The following KCNB2 variants were observed in gnomAD, a reference collection of about 807,000 sequenced individuals.
KCNB2 encodes potassium voltage-gated channel subfamily B member 2, also known as delayed rectifier potassium channel protein.
In KCNB2, 15 loss-of-function variants were observed where a neutral mutation model predicts 61.5. That is an observed-to-expected ratio of 0.24 (90% CI 0.16 to 0.38). KCNB2 has a LOEUF of 0.38. KCNB2 is among the 10% of genes least tolerant of loss of function. The pLI, the probability that KCNB2 is intolerant of heterozygous loss-of-function variation, is 1.00. For synonymous variants in KCNB2, 457 were observed against 446.0 expected (o/e 1.02, Z -0.31); for missense variants, 828 against 1,125.2 (o/e 0.74, Z 3.78).
intron 2 of KCNB2, among the ~76,000 whole-genome samples, chr8:72,807,227 T>G (rs2129000203): frequency 6.6e-6 from 1 of 152,342 alleles, no homozygotes; most frequent in Middle Eastern, 3.4e-3. Context: ...CGCAGCCATG[T>G]AGGTTATGTC....
intron 2 of KCNB2, among the ~76,000 whole-genome samples, chr8:72,603,964 C>T (rs781012542): frequency 6.6e-6 from 1 of 152,022 alleles, no homozygotes; most frequent in Non-Finnish European, 1.5e-5. Context: ...GTTGATTTTC[C>T]CCCCGAGCTT....
At chr8:72,778,733 C>CAAAAAAAAA (rs753797385) in intron 2 of KCNB2, among the ~76,000 whole-genome samples, 251 of 14,174 alleles carry the variant, frequency 0.018, 28 homozygotes, top group South Asian at 0.023. Flanking sequence ...ACAGAGCGAG[C>CAAAAAAAAA]AAAAAAAAAA....
intron 2 of KCNB2, among the ~76,000 whole-genome samples, chr8:72,667,491 T>G (rs1806496201): frequency 6.6e-6 from 1 of 152,200 alleles, no homozygotes; most frequent in South Asian, 2.1e-4. Flanking sequence ...TCCTGTAGTC[T>G]TCTTCGTTTT....
chr8:72,635,353 A>G (rs764461281), intron 2 of KCNB2, among the ~76,000 whole-genome samples: 1 of 152,200 alleles, frequency 6.6e-6, no homozygotes, highest in Non-Finnish European at 1.5e-5. Flanking sequence ...TTCAATTTAT[A>G]GGAGATTCTG....
At chr8:72,813,724 A>T (rs560036996) in intron 2 of KCNB2, among the ~76,000 whole-genome samples, 1 of 152,344 alleles carries the variant, frequency 6.6e-6, no homozygotes, top group South Asian at 2.1e-4. Flanking sequence ...AATTCTCACA[A>T]ATTAAGCATT....
At chr8:72,680,735 A>AT (rs1454342554) in intron 2 of KCNB2, among the ~76,000 whole-genome samples, 1 of 152,154 alleles carries the variant, frequency 6.6e-6, no homozygotes, top group Non-Finnish European at 1.5e-5. Flanking sequence ...GCAGAGTGCC[A>AT]TGCCAGGCCC....
chr8:72,578,821 G>C (rs2128980141), intron 2 of KCNB2, among the ~76,000 whole-genome samples: 1 of 152,246 alleles, frequency 6.6e-6, no homozygotes, highest in South Asian at 2.1e-4. Context: ...GAGTTGTTTG[G>C]CAAATGCCAA....
intron 2 of KCNB2, among the ~76,000 whole-genome samples, chr8:72,807,977 T>C (rs572105640): frequency 3.8e-4 from 58 of 152,306 alleles, no homozygotes; most frequent in African/African-American, 1.3e-3. Context: ...AGGTGAGGTA[T>C]GAAAAGAGCT....
chr8:72,738,951 TA>T (rs1360639844), intron 2 of KCNB2, among the ~76,000 whole-genome samples: 1 of 152,158 alleles, frequency 6.6e-6, no homozygotes, highest in African/African-American at 2.4e-5. Flanking sequence ...AATAGGTTTT[TA>T]AAAAAATTAT....
At chr8:72,661,032 A>AT (rs573830639) in intron 2 of KCNB2, 22 of 151,224 alleles carry the variant, frequency 1.5e-4, no homozygotes, top group East Asian at 5.8e-4. Flanking sequence ...TTTCAAATAC[A>AT]TTTTTTTTTC....
intron 2 of KCNB2, among the ~76,000 whole-genome samples, chr8:72,715,172 TG>T (rs1807408237): frequency 6.6e-6 from 1 of 152,138 alleles, no homozygotes; most frequent in Non-Finnish European, 1.5e-5. Context: ...AAGTCCTTAG[TG>T]ACCTACAAAG....
intron 2 of KCNB2, among the ~76,000 whole-genome samples, chr8:72,634,188 A>G (rs913013792): frequency 1.2e-4 from 19 of 152,192 alleles, no homozygotes; most frequent in African/African-American, 4.3e-4. Context: ...ATATAGTTGC[A>G]TTTTGTAAAT....
intron 2 of KCNB2, among the ~76,000 whole-genome samples, chr8:72,591,096 T>A (rs1807090475): frequency 6.6e-6 from 1 of 150,608 alleles, no homozygotes; most frequent in Non-Finnish European, 1.5e-5. Flanking sequence ...TGGAGACACC[T>A]TTTGTTCAGT....
At chr8:72,722,486 G>A (rs1005536824) in intron 2 of KCNB2, among the ~76,000 whole-genome samples, 2 of 152,156 alleles carry the variant, frequency 1.3e-5, no homozygotes, top group African/African-American at 2.4e-5. Context: ...TGCATGCGCT[G>A]GGCCCTCTGC....
At chr8:72,909,497 C>T (rs1806244194) in intron 2 of KCNB2, among the ~76,000 whole-genome samples, 1 of 152,032 alleles carries the variant, frequency 6.6e-6, no homozygotes, top group Non-Finnish European at 1.5e-5. Context: ...CACACAGTGC[C>T]TTGTAATCCA....
intron 2 of KCNB2, among the ~76,000 whole-genome samples, chr8:72,589,606 A>G (rs558959260): frequency 6.6e-6 from 1 of 152,344 alleles, no homozygotes; most frequent in Admixed American, 6.5e-5. Context: ...CTTCAAAAGC[A>G]TGTCTAATTA....
intron 2 of KCNB2, among the ~76,000 whole-genome samples, chr8:72,598,079 A>G (rs932312490): frequency 6.8e-6 from 1 of 148,030 alleles, no homozygotes; most frequent in African/African-American, 2.5e-5. Flanking sequence ...GAATCAACCT[A>G]AATGTCCACC....
intron 2 of KCNB2, among the ~76,000 whole-genome samples, chr8:72,813,535 C>T (rs1395263156): frequency 6.6e-6 from 1 of 152,028 alleles, no homozygotes; most frequent in African/African-American, 2.4e-5. Flanking sequence ...AAGAAAGGGC[C>T]GTCAAAGGTA....
At chr8:72,615,890 A>G (rs1428825767) in intron 2 of KCNB2, among the ~76,000 whole-genome samples, 2 of 152,220 alleles carry the variant, frequency 1.3e-5, no homozygotes, top group Non-Finnish European at 2.9e-5. Context: ...TGCAAGTATC[A>G]TAACTTGCTT....
Sources: gnomAD v4.1 joint callset for allele counts (sites outside exome capture counted in the v4.1 genomes callset) on GRCh38, gnomAD v4.1.1 for gene constraint, MANE v1.5 for transcripts, NCBI Gene and HGNC (gene_info 2026-07-23, HGNC 2026-07-21) for gene names.